ABCD3: variants seen among roughly 807,000 people sequenced by gnomAD.
The protein encoded by ABCD3 is ATP binding cassette subfamily D member 3, also known as ATP-binding cassette sub-family D member 3.
In ABCD3, 41 loss-of-function variants were observed where a neutral mutation model predicts 105.5. The observed-to-expected ratio is 0.39, with a 90% CI of 0.30 to 0.50. ABCD3 has a LOEUF of 0.50. Among genes scored for constraint, ABCD3 ranks in the 20% least tolerant of loss-of-function variants. The pLI is 0.84. For synonymous variants in ABCD3, 258 were observed against 269.0 expected (o/e 0.96, Z 0.40); for missense variants, 622 against 806.3 (o/e 0.77, Z 2.77).
At chr1:94,464,153 A>G (rs79841105) in intron 2 of ABCD3, among the ~76,000 whole-genome samples, 8,190 of 151,848 alleles carry the variant, frequency 0.054, 311 homozygotes, top group Non-Finnish European at 0.076. Flanking sequence ...TTTTTTGTCT[A>G]TGTTTCTCCC....
chr1:94,448,850 T>G (rs1294359197), intron 1 of ABCD3, among the ~76,000 whole-genome samples: 1 of 152,200 alleles, frequency 6.6e-6, no homozygotes, highest in African/African-American at 2.4e-5. Context: ...AAAAAATGAA[T>G]CTGTCCCTGA....
chr1:94,418,905 C>A, intron 1 of ABCD3: 1 of 442,958 alleles, frequency 2.3e-6, no homozygotes, highest in Admixed American at 3.8e-5. Context: ...TGCGGTGTGT[C>A]CCCCACCCCC....
At chr1:94,423,479 G>A (rs181967164) in intron 1 of ABCD3, among the ~76,000 whole-genome samples, 8 of 152,198 alleles carry the variant, frequency 5.3e-5, no homozygotes, top group Non-Finnish European at 5.9e-5. Flanking sequence ...ATCTTACTTC[G>A]CTTCCTTTGG....
intron 1 of ABCD3, among the ~76,000 whole-genome samples, chr1:94,428,809 G>A (rs957385033): frequency 6.6e-6 from 1 of 151,984 alleles, no homozygotes; most frequent in Non-Finnish European, 1.5e-5. Context: ...TTTATCAGCA[G>A]GATGAAAACA....
chr1:94,406,168 A>T, the ABCD3 span, among the ~76,000 whole-genome samples: 4 of 132,220 alleles, frequency 3.0e-5, no homozygotes, highest in Admixed American at 7.2e-5. Context: ...ACCATTTATT[A>T]AAAAAAAAAA....
At chr1:94,401,840 A>G in the ABCD3 span, among the ~76,000 whole-genome samples, 1 of 152,204 alleles carries the variant, frequency 6.6e-6, no homozygotes, top group Non-Finnish European at 1.5e-5. Flanking sequence ...TATAAAAGGC[A>G]CAGGTCTTAA....
the ABCD3 span, among the ~76,000 whole-genome samples, chr1:94,395,799 A>T: frequency 6.6e-6 from 1 of 152,070 alleles, no homozygotes; most frequent in Non-Finnish European, 1.5e-5. Context: ...CCTCTATGAG[A>T]CTACAGTGTG....
the ABCD3 span, among the ~76,000 whole-genome samples, chr1:94,388,814 A>G: frequency 6.6e-6 from 1 of 152,156 alleles, no homozygotes; most frequent in Non-Finnish European, 1.5e-5. Flanking sequence ...AGTCTGGAGG[A>G]GTAAAATAGG....
intron 20 of ABCD3, among the ~76,000 whole-genome samples, chr1:94,505,019 A>G (rs1355736747): frequency 6.6e-6 from 1 of 152,112 alleles, no homozygotes. Context: ...TTCTAGCTGG[A>G]GCAACTGTTT....
At chr1:94,465,487 A>T (rs4148052) in intron 3 of ABCD3, among the ~76,000 whole-genome samples, 54,796 of 152,008 alleles carry the variant, frequency 0.36, 11,434 homozygotes, top group Middle Eastern at 0.55. Context: ...CTGAAGTATT[A>T]TTTCATTTTA....
rs770315326 is a variant in ABCD3 at position 94,480,598 on chromosome 1, C to G, written c.819C>G (p.Ile273Met). The G allele has an allele frequency of 6.2e-7, 1 of 1,613,656 alleles. No homozygotes were observed. Among genetic ancestry groups the G allele is most frequent in the Non-Finnish European group, 8.5e-7 (1 of 1,179,720 alleles). Residue 273 changes from isoleucine to methionine, a missense_variant, in exon 9 of 23, where the codon ATC (isoleucine) becomes ATG (methionine). Around this residue, in one of 4 missense-constraint regions of ABCD3, gnomAD observed 245 missense variants for 356.4 expected, o/e 0.69. Transcript: ENST00000370214. ...GEYRYVNSRLITNSEEIAFYN... is the reference protein window; with the variant it reads ...GEYRYVNSRLMTNSEEIAFYN... ...ATAGATATGTTAATTCTCGGCTCATCACAAACAGGTAAAGACAAATGCATT... is the reference window on the plus strand; with the variant it reads ...ATAGATATGTTAATTCTCGGCTCATGACAAACAGGTAAAGACAAATGCATT...
intron 1 of ABCD3, chr1:94,455,776 G>T: frequency 8.5e-7 from 1 of 1,170,792 alleles, no homozygotes; most frequent in Non-Finnish European, 1.1e-6. Context: ...TGAAGTGATG[G>T]GAGAGCTGAC....
At chr1:94,484,813 A>G (rs1173362784) in intron 10 of ABCD3, among the ~76,000 whole-genome samples, 1 of 152,180 alleles carries the variant, frequency 6.6e-6, no homozygotes, top group Non-Finnish European at 1.5e-5. Flanking sequence ...AATTAAGTGT[A>G]TTTTTACAGA....
the ABCD3 span, chr1:94,406,397 T>C: frequency 3.1e-6 from 1 of 322,700 alleles, no homozygotes; most frequent in Admixed American, 3.5e-5. Context: ...ACACTTACTA[T>C]GCCATGAATT....
At chr1:94,502,209 G>A (rs1650131583) in intron 20 of ABCD3, among the ~76,000 whole-genome samples, 1 of 152,114 alleles carries the variant, frequency 6.6e-6, no homozygotes, top group Non-Finnish European at 1.5e-5. Flanking sequence ...CTCACAGCAT[G>A]GCTTAGCAAT....
At chr1:94,438,297 C>G (rs924157860) in intron 1 of ABCD3, among the ~76,000 whole-genome samples, 3 of 92,472 alleles carry the variant, frequency 3.2e-5, no homozygotes, top group Admixed American at 3.2e-4. Flanking sequence ...CACACACACA[C>G]ACATACACAC....
chr1:94,406,455 A>G, the ABCD3 span: 2 of 390,582 alleles, frequency 5.1e-6, no homozygotes, highest in South Asian at 2.3e-5. Context: ...AGTTTTTCTC[A>G]CAAAGTGTGC....
rs1164583608 is a variant in ABCD3, at chr1:94,517,316, T to C, written c.*187T>C. The stretch of plus-strand genomic sequence containing the variant: ...CATTTAATATTATATAGGATATTGC[T>C]AATTGTGTATATGTTGGTTTAATTA... On this transcript the variant is annotated 3_prime_UTR_variant, in exon 23 of 23. Transcript: ENST00000370214. The C allele has an allele frequency of 1.9e-6, 1 of 534,178 alleles. No individual in the cohort carries two copies. Among genetic ancestry groups the C allele is most frequent in the Non-Finnish European group, 3.4e-6 (1 of 297,640 alleles). The allele number at this position is 534,178 out of a possible 1,614,324, so 33.1% of individuals were successfully genotyped here. A position where few individuals can be genotyped will look rare whatever the true frequency, so the allele number is the denominator to read the frequency against.
chr1:94,484,566 C>T (rs1460317895), intron 10 of ABCD3, among the ~76,000 whole-genome samples: 1 of 152,140 alleles, frequency 6.6e-6, no homozygotes, highest in East Asian at 1.9e-4. Flanking sequence ...TGTTCTCACT[C>T]ATAGGTGGGA....
Sources: gnomAD v4.1 joint callset for allele counts (sites outside exome capture counted in the v4.1 genomes callset) on GRCh38, gnomAD v4.1.1 for gene constraint, gnomAD v4.1.1 regional missense constraint, MANE v1.5 for transcripts, NCBI Gene and HGNC (gene_info 2026-07-23, HGNC 2026-07-21) for gene names.